The following FGF12 variants were observed in gnomAD, a reference collection of about 807,000 sequenced individuals.
FGF12 encodes fibroblast growth factor 12B.
In FGF12, 14 loss-of-function variants were observed where a neutral mutation model predicts 23.6. The observed-to-expected ratio is 0.59, with a 90% CI of 0.39 to 0.93. The LOEUF (loss-of-function observed/expected upper bound fraction) is 0.93, where lower values mean the gene tolerates loss of function less well. Among genes scored for constraint, FGF12 ranks in the 40% least tolerant of loss-of-function variants. FGF12 has a pLI of 0.00. For synonymous variants in FGF12, 62 were observed against 77.3 expected (o/e 0.80, Z 1.04); for missense variants, 175 against 217.8 (o/e 0.80, Z 1.24).
chr3:192,370,145 G>A (rs1576918489), intron 2 of FGF12, among the ~76,000 whole-genome samples: 1 of 151,990 alleles, frequency 6.6e-6, no homozygotes, highest in South Asian at 2.1e-4. Flanking sequence ...AAAGAAGCAG[G>A]GTCCAGGACA....
At chr3:192,553,289 G>A (rs1331946276) in intron 2 of FGF12, among the ~76,000 whole-genome samples, 3 of 151,868 alleles carry the variant, frequency 2.0e-5, no homozygotes, top group Admixed American at 6.6e-5. Flanking sequence ...TTATATTGTA[G>A]GGTTTATAAC....
At chr3:192,433,225 C>T (rs946708666) in intron 2 of FGF12, among the ~76,000 whole-genome samples, 16 of 152,268 alleles carry the variant, frequency 1.1e-4, no homozygotes, top group African/African-American at 3.9e-4. Context: ...ATAGAATGAT[C>T]CTTAAAGATA....
At chr3:192,404,792 C>T (rs976050241) in intron 2 of FGF12, among the ~76,000 whole-genome samples, 3 of 152,170 alleles carry the variant, frequency 2.0e-5, no homozygotes, top group African/African-American at 7.2e-5. Flanking sequence ...TTAACCCTAG[C>T]TGCCTATAGG....
chr3:192,246,838 AGG>A, intron 4 of FGF12, among the ~76,000 whole-genome samples: 1 of 149,680 alleles, frequency 6.7e-6, no homozygotes, highest in Non-Finnish European at 1.5e-5. Flanking sequence ...AAAAAAAAAA[AGG>A]AGAGAGAGAG....
chr3:192,638,691 A>G (rs6777906), intron 2 of FGF12, among the ~76,000 whole-genome samples: 71,717 of 152,058 alleles, frequency 0.47, 17,428 homozygotes, highest in Non-Finnish European at 0.53. Context: ...AAGTTTCACC[A>G]CATGCCCACA....
intron 2 of FGF12, among the ~76,000 whole-genome samples, chr3:192,698,309 G>T (rs1232691907): frequency 6.6e-6 from 1 of 152,108 alleles, no homozygotes; most frequent in Non-Finnish European, 1.5e-5. Context: ...ACTCAAAAAT[G>T]TATTGTTCTG....
chr3:192,271,252 T>C (rs953774635), intron 4 of FGF12, among the ~76,000 whole-genome samples: 8 of 152,224 alleles, frequency 5.3e-5, no homozygotes, highest in Admixed American at 5.2e-4. Flanking sequence ...TGGCTTTGTA[T>C]GAATTCAGAG....
In FGF12 at chr3:192,677,704, A is replaced by G. The variant is rs968040999; in HGVS notation, c.13+49477T>C. Among the ~76,000 whole-genome samples, 5 of 152,294 alleles carry G rather than the reference A, an allele frequency of 3.3e-5. No homozygotes were observed. The East Asian group carries it at 9.7e-4, about 29-fold the overall frequency. On this transcript the variant is annotated intron_variant, in intron 2 of 5. Transcript: ENST00000445105. ...ACCTCAACCTTTTATTATATTTTTCAATGCAAGCTGCCCCACCCAGAGACA... is the reference window on the plus strand; with the variant it reads ...ACCTCAACCTTTTATTATATTTTTCGATGCAAGCTGCCCCACCCAGAGACA...
intron 2 of FGF12, among the ~76,000 whole-genome samples, chr3:192,493,500 T>C (rs999717729): frequency 1.2e-4 from 18 of 152,306 alleles, no homozygotes; most frequent in South Asian, 1.0e-3. Context: ...TCAAAGAATG[T>C]ATTCGTCAGG....
At chr3:192,677,023 G>C (rs1717348840) in intron 2 of FGF12, among the ~76,000 whole-genome samples, 1 of 152,210 alleles carries the variant, frequency 6.6e-6, no homozygotes, top group African/African-American at 2.4e-5. Flanking sequence ...TGTTCCTCCA[G>C]TGTCTAGTAA....
At chr3:192,167,799 A>G (rs1157936669) in intron 5 of FGF12, among the ~76,000 whole-genome samples, 1 of 107,594 alleles carries the variant, frequency 9.3e-6, no homozygotes, top group Non-Finnish European at 1.8e-5. Context: ...TTTTTGAGAA[A>G]GAATCTTGCT....
intron 2 of FGF12, among the ~76,000 whole-genome samples, chr3:192,386,704 T>C (rs1720055945): frequency 6.6e-6 from 1 of 152,182 alleles, no homozygotes; most frequent in Admixed American, 6.5e-5. Flanking sequence ...AACAGAGACG[T>C]GTCTGAAGAA....
intron 4 of FGF12, among the ~76,000 whole-genome samples, chr3:192,303,631 G>A (rs9291020): frequency 0.022 from 3,283 of 152,260 alleles, 116 homozygotes; most frequent in African/African-American, 0.075. Context: ...AGATGTCTGT[G>A]TGTTTAAATT....
chr3:192,180,351 A>G lies in FGF12; in HGVS notation c.229-9695T>C, dbSNP rs375153494. ...ATCAAAATAACTTCCAGGAGCTTCA[A>G]TGTTTTAGAGACGACATATCTAGAG... On this transcript the variant is annotated intron_variant, in intron 4 of 5. Coordinates refer to ENST00000445105, the MANE Select transcript of FGF12 (RefSeq NM_004113.6). 5.3e-5 allele frequency among the ~76,000 whole-genome samples: 8 copies of G among 152,196 alleles called. No individual in the cohort carries two copies. In the East Asian group the frequency reaches 9.6e-4, roughly 18 times the overall value.
chr3:192,713,027 A>G (rs1718746551), intron 2 of FGF12, among the ~76,000 whole-genome samples: 1 of 152,234 alleles, frequency 6.6e-6, no homozygotes, highest in African/African-American at 2.4e-5. Flanking sequence ...AATATAGTAC[A>G]AAGTATGTAG....
At chr3:192,268,326 T>C (rs1713208251) in intron 4 of FGF12, among the ~76,000 whole-genome samples, 1 of 152,152 alleles carries the variant, frequency 6.6e-6, no homozygotes, top group Admixed American at 6.6e-5. Context: ...TAAAACTAGA[T>C]TTAACACCAG....
intron 4 of FGF12, among the ~76,000 whole-genome samples, chr3:192,191,379 G>T (rs145231757): frequency 6.6e-6 from 1 of 152,162 alleles, no homozygotes. Flanking sequence ...ATTGACTTTG[G>T]TTGATAATGA....
intron 5 of FGF12, among the ~76,000 whole-genome samples, chr3:192,169,304 G>A (rs1715409037): frequency 6.6e-6 from 1 of 152,136 alleles, no homozygotes; most frequent in Non-Finnish European, 1.5e-5. Context: ...TTGCACCACC[G>A]CACTCCAGCC....
At chr3:192,385,196 G>A (rs920929263) in intron 2 of FGF12, among the ~76,000 whole-genome samples, 22 of 152,070 alleles carry the variant, frequency 1.4e-4, no homozygotes, top group Admixed American at 1.1e-3. Flanking sequence ...TCTTAATGTG[G>A]AGTTCTGTTA....
Sources: gnomAD v4.1 joint callset for allele counts (sites outside exome capture counted in the v4.1 genomes callset) on GRCh38, gnomAD v4.1.1 for gene constraint, MANE v1.5 for transcripts, NCBI Gene and HGNC (gene_info 2026-07-23, HGNC 2026-07-21) for gene names.